DRC11: variants seen among roughly 807,000 people sequenced by gnomAD.
The protein encoded by DRC11 is IQ and AAA domain-containing protein 1.
the DRC11 span, among the ~76,000 whole-genome samples, chr2:236,502,880 G>A: frequency 7.3e-5 from 11 of 149,856 alleles, no homozygotes; most frequent in African/African-American, 2.0e-4. Flanking sequence ...ACTTGAACCC[G>A]GGAGGCGGAG....
the DRC11 span, among the ~76,000 whole-genome samples, chr2:236,406,365 C>T: frequency 6.6e-6 from 1 of 152,154 alleles, no homozygotes; most frequent in South Asian, 2.1e-4. This position sits in a 1 kb window ranked among gnomAD's most constrained non-coding sequence, Gnocchi z 4.7. Flanking sequence ...TAAATATGTG[C>T]ATCTGAAGTA....
the DRC11 span, among the ~76,000 whole-genome samples, chr2:236,413,422 T>C: frequency 1.9e-4 from 29 of 152,358 alleles, 1 homozygote; most frequent in South Asian, 1.4e-3. This position sits in a 1 kb window ranked among gnomAD's most constrained non-coding sequence, Gnocchi z 4.0. Context: ...ATACATTTCC[T>C]TGATGGCACC....
At chr2:236,357,145 A>G in the DRC11 span, among the ~76,000 whole-genome samples, 1,040 of 98,088 alleles carry the variant, frequency 0.011, 113 homozygotes, top group Non-Finnish European at 0.014. Flanking sequence ...TTATATATCT[A>G]TATATTATGT....
chr2:236,380,593 T>G, the DRC11 span: 34 of 1,551,668 alleles, frequency 2.2e-5, no homozygotes, highest in Non-Finnish European at 2.9e-5. The surrounding 1 kb of genome is among the most constrained non-coding windows in gnomAD (Gnocchi z 4.9). Flanking sequence ...ATCTTTATCC[T>G]TCTTTGCCTT....
At chr2:236,468,899 G>A in the DRC11 span, among the ~76,000 whole-genome samples, 8 of 152,096 alleles carry the variant, frequency 5.3e-5, no homozygotes, top group Admixed American at 2.6e-4. Flanking sequence ...TCCAAATTAC[G>A]TTGTTCCTGT....
the DRC11 span, among the ~76,000 whole-genome samples, chr2:236,420,161 G>A: frequency 8.5e-5 from 13 of 152,158 alleles, no homozygotes; most frequent in Non-Finnish European, 1.0e-4. This position sits in a 1 kb window ranked among gnomAD's most constrained non-coding sequence, Gnocchi z 4.8. Flanking sequence ...TACACCAGAC[G>A]CATGGGGGTT....
chr2:236,399,563 T>G, the DRC11 span: 1 of 1,240,528 alleles, frequency 8.1e-7, no homozygotes, highest in East Asian at 2.3e-5. This position sits in a 1 kb window ranked among gnomAD's most constrained non-coding sequence, Gnocchi z 7.0. Context: ...GTGATAACCG[T>G]GACGAGGGTC....
At chr2:236,422,721 C>CA in the DRC11 span, among the ~76,000 whole-genome samples, 3 of 152,156 alleles carry the variant, frequency 2.0e-5, no homozygotes, top group Non-Finnish European at 2.9e-5. Flanking sequence ...CATATGGAAC[C>CA]AAAAAGGAGC....
At chr2:236,459,863 A>AT in the DRC11 span, among the ~76,000 whole-genome samples, 1 of 152,016 alleles carries the variant, frequency 6.6e-6, no homozygotes, top group Non-Finnish European at 1.5e-5. Flanking sequence ...AAAAAACTTC[A>AT]TATACAATAA....
chr2:236,468,608 A>C, the DRC11 span, among the ~76,000 whole-genome samples: 1 of 152,190 alleles, frequency 6.6e-6, no homozygotes, highest in East Asian at 1.9e-4. Context: ...AATTTCCTTT[A>C]TATAATCATT....
At chr2:236,411,026 C>A in the DRC11 span, among the ~76,000 whole-genome samples, 35 of 142,868 alleles carry the variant, frequency 2.4e-4, 2 homozygotes, top group Non-Finnish European at 3.4e-4. Flanking sequence ...CAATGGCAAC[C>A]AAAGCCAAAA....
chr2:236,502,548 C>CAAAAAAAAA, the DRC11 span, among the ~76,000 whole-genome samples: 75 of 15,088 alleles, frequency 5.0e-3, 8 homozygotes, highest in African/African-American at 8.9e-3. Context: ...TGCACTCCAG[C>CAAAAAAAAA]AAAAAAAAAA....
the DRC11 span, chr2:236,440,904 A>G: frequency 1.1e-5 from 7 of 613,220 alleles, no homozygotes; most frequent in East Asian, 2.0e-4. Flanking sequence ...ACAATGATGA[A>G]CACCCAAAAG....
the DRC11 span, among the ~76,000 whole-genome samples, chr2:236,358,526 T>C: frequency 6.9e-6 from 1 of 145,246 alleles, no homozygotes; most frequent in Non-Finnish European, 1.5e-5. Flanking sequence ...AAAGAAGTTA[T>C]AAGGCAGGGC....
chr2:236,451,898 C>A, the DRC11 span, among the ~76,000 whole-genome samples: 1 of 152,146 alleles, frequency 6.6e-6, no homozygotes, highest in African/African-American at 2.4e-5. Flanking sequence ...TGCAATTGAA[C>A]TAGCTTTATT....
At chr2:236,378,632 G>C in the DRC11 span, among the ~76,000 whole-genome samples, 1 of 149,974 alleles carries the variant, frequency 6.7e-6, no homozygotes, top group African/African-American at 2.5e-5. Context: ...CTGAGATGGC[G>C]CAAGTTCTCT....
At chr2:236,427,152 T>C in the DRC11 span, among the ~76,000 whole-genome samples, 1 of 152,232 alleles carries the variant, frequency 6.6e-6, no homozygotes, top group South Asian at 2.1e-4. The surrounding 1 kb of genome is among the most constrained non-coding windows in gnomAD (Gnocchi z 5.9). Context: ...TGAATGATTC[T>C]TTTAATGTGC....
the DRC11 span, among the ~76,000 whole-genome samples, chr2:236,445,457 C>T: frequency 9.2e-5 from 14 of 151,914 alleles, no homozygotes; most frequent in Admixed American, 8.5e-4. This position sits in a 1 kb window ranked among gnomAD's most constrained non-coding sequence, Gnocchi z 4.8. Context: ...CTCAGCCTCC[C>T]GAGTAGCTGG....
At chr2:236,319,938 T>C in the DRC11 span, among the ~76,000 whole-genome samples, 18 of 152,302 alleles carry the variant, frequency 1.2e-4, no homozygotes, top group South Asian at 3.7e-3. This position sits in a 1 kb window ranked among gnomAD's most constrained non-coding sequence, Gnocchi z 6.7. Context: ...TGCACATTCA[T>C]TTGTATGACC....
Sources: allele counts gnomAD v4.1 joint callset (sites outside exome capture counted in the v4.1 genomes callset), GRCh38; gene constraint gnomAD v4.1.1; non-coding constraint Gnocchi (gnomAD v3.1); transcripts MANE v1.5; gene names NCBI Gene and HGNC (gene_info 2026-07-23, HGNC 2026-07-21).